PDS5A: variants seen among roughly 807,000 people sequenced by gnomAD.
PDS5A encodes PDS5 cohesin associated factor A, also known as sister chromatid cohesion protein PDS5 homolog A.
PDS5A carries 42 observed loss-of-function variants against 167.1 expected under a neutral mutation model. The observed-to-expected ratio is 0.25, with a 90% CI of 0.20 to 0.33. The LOEUF (loss-of-function observed/expected upper bound fraction) is 0.33. PDS5A is among the 10% of genes least tolerant of loss of function. The probability of loss-of-function intolerance (pLI) is 1.00; values close to 1 mark genes in which losing one functional copy is unlikely to be tolerated. For synonymous variants in PDS5A, 553 were observed against 554.6 expected (o/e 1.00, Z 0.04); for missense variants, 1,033 against 1,605.9 (o/e 0.64, Z 6.10).
chr4:39,923,410 A>G (rs1480974422), intron 5 of PDS5A, among the ~76,000 whole-genome samples: 1 of 151,824 alleles, frequency 6.6e-6, no homozygotes, highest in Non-Finnish European at 1.5e-5. Context: ...CACAACTAGG[A>G]TTCCAAAAGT....
chr4:39,862,748 T>C, intron 25 of PDS5A, 121 bp downstream of exon 25: 1 of 642,920 alleles, frequency 1.6e-6, no homozygotes, highest in Non-Finnish European at 2.7e-6. Flanking sequence ...AATGACAGCA[T>C]TCTATAAAAC....
intron 32 of PDS5A, among the ~76,000 whole-genome samples, chr4:39,829,917 C>T (rs1387898429): frequency 1.5e-5 from 2 of 130,038 alleles, no homozygotes; most frequent in African/African-American, 6.2e-5. Context: ...AGCCACTGTA[C>T]TCCAGCCTGG....
At chr4:39,829,615 C>A (rs913095071) in intron 32 of PDS5A, among the ~76,000 whole-genome samples, 17 of 151,126 alleles carry the variant, frequency 1.1e-4, no homozygotes, top group Admixed American at 1.1e-3. Flanking sequence ...CCACTACACT[C>A]CAGCCTGGGT....
rs16995499 is a variant in PDS5A, at chr4:39,876,858, G to T, written c.2153+135C>A. 5.2e-3 allele frequency: 2,965 copies of T among 572,406 alleles called. 73 individuals carry two copies. Among genetic ancestry groups the T allele is most frequent in the African/African-American group, 0.051 (2,658 of 51,968 alleles). 35.5% of individuals were successfully genotyped at this position (572,406 alleles called of 1,614,324 possible). ...GCAAGGGAAAGACAAAGCAGAGGAG[G>T]ACACAGAAAAGTAGCTTCTAAATCA... On this transcript the variant is annotated intron_variant, in intron 19 of 32. Transcript: ENST00000303538.
intron 2 of PDS5A, among the ~76,000 whole-genome samples, chr4:39,958,761 A>G (rs1443240868): frequency 6.6e-6 from 1 of 151,778 alleles, no homozygotes; most frequent in Non-Finnish European, 1.5e-5. Flanking sequence ...GGCGCACATC[A>G]CCACCCCTGA....
chr4:39,921,585 A>AG (rs1351664640), intron 6 of PDS5A, among the ~76,000 whole-genome samples: 21 of 93,818 alleles, frequency 2.2e-4, no homozygotes, highest in African/African-American at 5.8e-4. Context: ...AGAAAACTTA[A>AG]AAAAAAAAAA....
chr4:39,877,073 A>C lies in PDS5A; in HGVS notation c.2073T>G (p.Asp691Glu), dbSNP rs1462702157. The C allele has an allele frequency of 6.2e-7, 1 of 1,609,242 alleles. No homozygotes were observed. Among genetic ancestry groups the C allele is most frequent in the Non-Finnish European group, 8.5e-7 (1 of 1,175,712 alleles). The change falls in exon 19 of 33, where the codon GAT becomes GAG. Residue 691 changes from aspartate (D) to glutamate (E), a missense_variant. Physicochemically the swap from Asp to Glu is conservative, Grantham distance 45. Transcript: ENST00000303538. ...ESLLQCLRME[D>E]DKVAEAAIQI... Reference sequence around the variant, plus strand: ...GAATAGCAGCTTCTGCTACCTTGTCATCCTCCATTCTTAGGCACTGTAACA... The same window carrying C: ...GAATAGCAGCTTCTGCTACCTTGTCCTCCTCCATTCTTAGGCACTGTAACA...
chr4:39,970,229 G>T (rs1258493057), intron 2 of PDS5A, among the ~76,000 whole-genome samples: 1 of 151,832 alleles, frequency 6.6e-6, no homozygotes, highest in Non-Finnish European at 1.5e-5. Context: ...TTAATGTAAG[G>T]AACCTGTCTA....
At chr4:39,958,498 C>T (rs1729173461) in intron 2 of PDS5A, among the ~76,000 whole-genome samples, 1 of 137,180 alleles carries the variant, frequency 7.3e-6, no homozygotes, top group Admixed American at 7.6e-5. Context: ...AAGAGCGAAA[C>T]TGTGTCTCAA....
At chr4:39,873,194 G>A (rs1324083145) in intron 20 of PDS5A, 50 bp from the exon 21 acceptor site, 1 of 1,165,372 alleles carries the variant, frequency 8.6e-7, no homozygotes, top group Admixed American at 2.4e-5. Flanking sequence ...TAAATATCTA[G>A]ACACTCTACT....
In PDS5A at chr4:39,909,947, A is replaced by C. The variant is rs185750068; in HGVS notation, c.1087+297T>G. The C allele has an allele frequency of 4.9e-5, 11 of 224,704 alleles. No homozygotes were observed. The East Asian group carries it at 1.0e-3, about 21-fold the overall frequency. The allele number at this position is 224,704 out of a possible 1,614,324, so 13.9% of individuals were successfully genotyped here. ...AAAAATTTCAAAGGATTAAAATATG[A>C]AGATTTTAAGCTGGGCATTGTAGCA... On this transcript the variant is annotated intron_variant, in intron 10 of 32. Transcript: ENST00000303538.
intron 26 of PDS5A, among the ~76,000 whole-genome samples, chr4:39,854,922 G>T (rs1718415929): frequency 6.6e-6 from 1 of 152,144 alleles, no homozygotes; most frequent in South Asian, 2.1e-4. Context: ...TCTTCTTAAT[G>T]AATTCATTTT....
intron 4 of PDS5A, among the ~76,000 whole-genome samples, chr4:39,926,454 G>C (rs1269086808): frequency 6.7e-6 from 1 of 150,198 alleles, no homozygotes; most frequent in East Asian, 2.0e-4. Context: ...GGAGGCGGAG[G>C]TTGTGGTGAG....
chr4:39,864,781 C>T (rs1221913040), intron 23 of PDS5A, among the ~76,000 whole-genome samples: 1 of 152,120 alleles, frequency 6.6e-6, no homozygotes, highest in Non-Finnish European at 1.5e-5. Context: ...ACTTTATAGG[C>T]TTTATCTCAA....
chr4:39,872,439 C>T (rs1228262760), intron 21 of PDS5A, among the ~76,000 whole-genome samples: 3 of 151,918 alleles, frequency 2.0e-5, no homozygotes, highest in Non-Finnish European at 4.4e-5. Context: ...CCAAGGCGGA[C>T]GGATCACCTG....
At chr4:39,892,420 C>G (rs752655) in intron 16 of PDS5A, among the ~76,000 whole-genome samples, 17,412 of 152,246 alleles carry the variant, frequency 0.11, 1,069 homozygotes, top group Middle Eastern at 0.19. Flanking sequence ...GATATCCAGT[C>G]AGCCAAACTG....
intron 18 of PDS5A, among the ~76,000 whole-genome samples, chr4:39,878,436 A>G (rs149047337): frequency 0.077 from 11,750 of 152,062 alleles, 511 homozygotes; most frequent in Middle Eastern, 0.18. Context: ...TCTACTAAAA[A>G]TACAAAAAAA....
intron 15 of PDS5A, 78 bp from the exon 16 acceptor site, chr4:39,898,606 C>G: frequency 9.7e-7 from 1 of 1,028,940 alleles, no homozygotes; most frequent in Non-Finnish European, 1.4e-6. Context: ...CAGGTGCCAT[C>G]AAAATATTGC....
intron 8 of PDS5A, among the ~76,000 whole-genome samples, chr4:39,914,371 A>G (rs1245734619): frequency 6.6e-6 from 1 of 151,928 alleles, no homozygotes; most frequent in African/African-American, 2.4e-5. Flanking sequence ...CATCTTGGCC[A>G]GGCTGGTCTC....
Sources: allele counts gnomAD v4.1 joint callset (sites outside exome capture counted in the v4.1 genomes callset), GRCh38; gene constraint gnomAD v4.1.1; transcripts MANE v1.5; gene names NCBI Gene and HGNC (gene_info 2026-07-23, HGNC 2026-07-21).